Variants in HS3ST4 observed in about 807,000 individuals in gnomAD.
HS3ST4 encodes the protein heparan sulfate-glucosamine 3-sulfotransferase 4.
A neutral mutation model predicts 29.2 loss-of-function variants in HS3ST4; 17 were observed. The observed-to-expected ratio is 0.58, with a 90% CI of 0.40 to 0.87. HS3ST4 has a LOEUF of 0.87. Ranked by LOEUF, HS3ST4 falls within the 40% of genes least tolerant of loss-of-function variation. HS3ST4 has a pLI of 0.00. For missense variants in HS3ST4, 627 were observed against 634.5 expected, an observed-to-expected ratio of 0.99 and a Z score of 0.13; for synonymous variants, 314 against 285.7, an observed-to-expected ratio of 1.10 and a Z score of -1.00.
chr16:25,892,285 G>A (rs187601364), intron 1 of HS3ST4, among the ~76,000 whole-genome samples: 62 of 152,330 alleles, frequency 4.1e-4, no homozygotes, highest in African/African-American at 1.3e-3. Flanking sequence ...CCCTGCAGGA[G>A]TGAGGAGGGC....
chr16:25,802,794 G>A (rs973207831), intron 1 of HS3ST4, among the ~76,000 whole-genome samples: 8 of 151,844 alleles, frequency 5.3e-5, no homozygotes, highest in Non-Finnish European at 1.0e-4. Flanking sequence ...TCTGGGTTGC[G>A]TGTATTTTTT....
In HS3ST4 at chr16:26,136,558, G is replaced by A. The variant is rs949536849; in HGVS notation, c.*310G>A. 2.6e-6 allele frequency: 1 copy of A among 391,462 alleles called. No individual in the cohort carries two copies. The highest frequency in any genetic ancestry group is 2.0e-5 in the African/African-American group (1 of 49,456). 24.2% of individuals were successfully genotyped at this position (391,462 alleles called of 1,614,324 possible). ...AGACAGAGGATAAATAGTTGTCAAT[G>A]TCAGAGACAGTGCTATTAATGTATA... is the stretch of plus-strand genomic sequence containing the variant. On this transcript the variant is annotated 3_prime_UTR_variant, in exon 2 of 2. Transcript: ENST00000331351.
chr16:25,936,848 A>G (rs1466703203), intron 1 of HS3ST4, among the ~76,000 whole-genome samples: 1 of 152,278 alleles, frequency 6.6e-6, no homozygotes, highest in African/African-American at 2.4e-5. Context: ...CTTTTGTAGC[A>G]TAATATAATT....
chr16:26,000,824 A>G (rs1969205590), intron 1 of HS3ST4, among the ~76,000 whole-genome samples: 1 of 152,218 alleles, frequency 6.6e-6, no homozygotes, highest in Non-Finnish European at 1.5e-5. Flanking sequence ...GGTATTGCTT[A>G]TGTGGTATTC....
intron 1 of HS3ST4, among the ~76,000 whole-genome samples, chr16:25,953,642 T>C (rs573097006): frequency 3.9e-5 from 6 of 152,274 alleles, no homozygotes; most frequent in Admixed American, 3.3e-4. Context: ...TTAGACCATG[T>C]CATAAATTGG....
chr16:26,133,329 A>T (rs574996559), intron 1 of HS3ST4, among the ~76,000 whole-genome samples: 1 of 152,194 alleles, frequency 6.6e-6, no homozygotes, highest in Admixed American at 6.5e-5. Flanking sequence ...ATGAAACATT[A>T]AGGGTCAAAA....
chr16:25,699,493 C>G (rs1966320557), intron 1 of HS3ST4, among the ~76,000 whole-genome samples: 1 of 152,210 alleles, frequency 6.6e-6, no homozygotes, highest in African/African-American at 2.4e-5. Flanking sequence ...ATAACTTGCA[C>G]TTATAAAATA....
intron 1 of HS3ST4, among the ~76,000 whole-genome samples, chr16:25,749,154 A>G (rs977862842): frequency 2.0e-5 from 3 of 152,222 alleles, no homozygotes; most frequent in African/African-American, 7.2e-5. Flanking sequence ...AGGCATTCTT[A>G]TAGGCTTTTT....
intron 1 of HS3ST4, among the ~76,000 whole-genome samples, chr16:25,936,369 A>G (rs1358868239): frequency 6.6e-6 from 1 of 152,220 alleles, no homozygotes; most frequent in African/African-American, 2.4e-5. Flanking sequence ...ATCAGGATTT[A>G]GAACCATCTG....
rs1480909606 is a variant in HS3ST4, at chr16:25,692,975, C to G, written c.558C>G (p.Ala186=). The G allele has an allele frequency of 1.9e-6, 3 of 1,610,834 alleles. No homozygotes were observed. Among genetic ancestry groups the G allele is most frequent in the South Asian group, 2.2e-5 (2 of 90,786 alleles). Residue 186 remains alanine (A), a synonymous_variant, in exon 1 of 2, where the codon GCC becomes GCG. Coordinates refer to ENST00000331351, the MANE Select transcript of HS3ST4 (RefSeq NM_006040.3). ...ACGGGAGCAGCGAGAGGGGCGGCGC[C>G]GTCAGCACCCCCGACTATGGGGAGA... ...AANGSSERGG[A]VSTPDYGEKK... is the part of the protein sequence containing the mutation.
chr16:25,942,288 C>A (rs577831818), intron 1 of HS3ST4, among the ~76,000 whole-genome samples: 4 of 152,290 alleles, frequency 2.6e-5, no homozygotes, highest in African/African-American at 9.6e-5. Context: ...TCTGAACAAT[C>A]TGGCCGATAG....
intron 1 of HS3ST4, among the ~76,000 whole-genome samples, chr16:25,907,836 G>A (rs569009069): frequency 6.6e-5 from 10 of 152,166 alleles, no homozygotes; most frequent in East Asian, 5.8e-4. Flanking sequence ...CCAAAGATGC[G>A]TACAGCTTCA....
intron 1 of HS3ST4, among the ~76,000 whole-genome samples, chr16:26,037,199 C>T (rs1298641815): frequency 6.6e-6 from 1 of 152,218 alleles, no homozygotes; most frequent in Non-Finnish European, 1.5e-5. Context: ...GAGGTCTCCA[C>T]TCTAGTCCTT....
intron 1 of HS3ST4, among the ~76,000 whole-genome samples, chr16:25,795,268 G>A (rs1164536622): frequency 6.6e-6 from 1 of 151,866 alleles, no homozygotes; most frequent in Non-Finnish European, 1.5e-5. Context: ...ACCGCACCTG[G>A]CCCCCCATCC....
chr16:26,049,986 A>G (rs770595834), intron 1 of HS3ST4, among the ~76,000 whole-genome samples: 29 of 152,254 alleles, frequency 1.9e-4, no homozygotes, highest in Non-Finnish European at 7.4e-5. Context: ...CCAGCTGTCC[A>G]TGAGCCCCCT....
At chr16:25,709,876 C>T (rs1184249450) in intron 1 of HS3ST4, among the ~76,000 whole-genome samples, 3 of 152,042 alleles carry the variant, frequency 2.0e-5, no homozygotes. Flanking sequence ...CTAGCAGCTG[C>T]CTAGAAAATT....
In HS3ST4 at chr16:25,893,879, G is replaced by A. The variant is rs115738627; in HGVS notation, c.734+200728G>A. Among the ~76,000 whole-genome samples, 657 of 152,256 alleles carry A rather than the reference G, an allele frequency of 4.3e-3. 6 individuals carry two copies. Among genetic ancestry groups the A allele is most frequent in the African/African-American group, 0.015 (640 of 41,538 alleles). On this transcript the variant is annotated intron_variant, in intron 1 of 1. Transcript: ENST00000331351. ...CGTTTAGGATATCCAGGGACACCCC[G>A]GGATGTCCAGGGAAGTCCTTTCTCT...
At chr16:25,893,170 A>G (rs1968026809) in intron 1 of HS3ST4, among the ~76,000 whole-genome samples, 1 of 152,192 alleles carries the variant, frequency 6.6e-6, no homozygotes, top group South Asian at 2.1e-4. Flanking sequence ...CTGTGTTTGA[A>G]TAAATAAAAG....
chr16:26,008,411 A>G (rs999166612), intron 1 of HS3ST4, among the ~76,000 whole-genome samples: 2 of 152,206 alleles, frequency 1.3e-5, no homozygotes, highest in Non-Finnish European at 2.9e-5. Context: ...ACCCTGACAC[A>G]GGAAGGGTAC....
Sources: gnomAD v4.1 joint callset for allele counts (sites outside exome capture counted in the v4.1 genomes callset) on GRCh38, gnomAD v4.1.1 for gene constraint, MANE v1.5 for transcripts, NCBI Gene and HGNC (gene_info 2026-07-23, HGNC 2026-07-21) for gene names.